Variants in MAPK9 observed in about 807,000 individuals in gnomAD.
MAPK9 encodes the protein Jun kinase.
A neutral mutation model predicts 57.1 loss-of-function variants in MAPK9; 30 were observed. The ratio of observed to expected loss-of-function variants is 0.53; its 90% CI spans 0.39 to 0.71. The LOEUF (loss-of-function observed/expected upper bound fraction) is 0.71, where lower values mean the gene tolerates loss of function less well. Ranked by LOEUF, MAPK9 falls within the 30% of genes least tolerant of loss-of-function variation. MAPK9 has a pLI of 0.00. For synonymous variants in MAPK9, 155 were observed against 177.0 expected (o/e 0.88, Z 0.99); for missense variants, 362 against 521.0 (o/e 0.69, Z 2.97).
chr5:180,265,918 T>G (rs1159352024), intron 3 of MAPK9, among the ~76,000 whole-genome samples: 1 of 152,056 alleles, frequency 6.6e-6, no homozygotes, highest in East Asian at 1.9e-4. Flanking sequence ...AACCTCAGAA[T>G]ATAGATAAAC....
At chr5:180,240,171 T>A (rs1442190732) in intron 9 of MAPK9, among the ~76,000 whole-genome samples, 184 bp from the exon 10 acceptor site, 1 of 152,234 alleles carries the variant, frequency 6.6e-6, no homozygotes, top group Non-Finnish European at 1.5e-5. Flanking sequence ...AAAATAATTA[T>A]GAAAAAGTTA....
intron 5 of MAPK9, among the ~76,000 whole-genome samples, chr5:180,256,317 C>T (rs549462913): frequency 1.4e-5 from 2 of 145,448 alleles, no homozygotes; most frequent in African/African-American, 5.1e-5. Flanking sequence ...GTGCATGGTA[C>T]TGTAGATGGA....
At position 180,247,507 on chromosome 5, in the gene MAPK9, T is replaced by C; in HGVS notation, c.620A>G (p.Asp207Gly). 6.2e-7 allele frequency: 1 copy of C among 1,613,104 alleles called. No homozygotes were observed. The highest frequency in any genetic ancestry group is 1.1e-5 in the South Asian group (1 of 91,004). Residue 207 changes from aspartate to glycine, a missense_variant, in exon 7 of 12, where the codon GAT becomes GGT. Asp to Gly is a moderately conservative substitution (Grantham distance 94, BLOSUM62 -1). Transcript: ENST00000452135. This position sits in a 1 kb window ranked among gnomAD's most constrained non-coding sequence, Gnocchi z 4.5. ...ILGMGYKENV[D>G]IWSVGCIMGE... ...CATGATGCAACCCACTGACCAGATA[T>C]CAACTGAAAATAAAATGAAATGATA...
intron 5 of MAPK9, among the ~76,000 whole-genome samples, chr5:180,255,182 A>T (rs1759145167): frequency 6.6e-6 from 1 of 152,198 alleles, no homozygotes; most frequent in African/African-American, 2.4e-5. Context: ...ATCATGTGAG[A>T]GGGCAGAATA....
chr5:180,265,091 G>A (rs1760390139), intron 3 of MAPK9, among the ~76,000 whole-genome samples: 1 of 152,154 alleles, frequency 6.6e-6, no homozygotes, highest in Non-Finnish European at 1.5e-5. Context: ...AACACATAAT[G>A]TCTTTTTGAA....
intron 9 of MAPK9, among the ~76,000 whole-genome samples, chr5:180,240,755 T>C (rs1164491115): frequency 6.6e-6 from 1 of 152,218 alleles, no homozygotes; most frequent in Non-Finnish European, 1.5e-5. Context: ...TGGCACAGAA[T>C]AGATGCTTAA....
intron 2 of MAPK9, among the ~76,000 whole-genome samples, chr5:180,278,990 C>T (rs1012814024): frequency 2.7e-5 from 4 of 146,282 alleles, no homozygotes; most frequent in African/African-American, 1.0e-4. Context: ...CGGAGTCTTG[C>T]TCCATCGCCC....
intron 1 of MAPK9, 145 bp downstream of exon 1, chr5:180,291,703 G>C (rs1445058254): frequency 3.3e-5 from 5 of 150,976 alleles, no homozygotes; most frequent in Admixed American, 2.6e-4. Flanking sequence ...GCATCCCCCA[G>C]CACAGGGGCG....
chr5:180,268,764 T>C (rs1453295431), intron 3 of MAPK9, among the ~76,000 whole-genome samples: 2 of 148,942 alleles, frequency 1.3e-5, no homozygotes, highest in Non-Finnish European at 3.0e-5. Flanking sequence ...GAGGTGGAGC[T>C]TGCAGCGAGC....
At chr5:180,273,276 T>C (rs557337733) in intron 2 of MAPK9, among the ~76,000 whole-genome samples, 10 of 152,342 alleles carry the variant, frequency 6.6e-5, no homozygotes, top group African/African-American at 2.4e-4. Flanking sequence ...TTTTTTTCAG[T>C]CATATATCTT....
intron 5 of MAPK9, among the ~76,000 whole-genome samples, chr5:180,250,918 T>A (rs1337940012): frequency 6.6e-6 from 1 of 152,162 alleles, no homozygotes; most frequent in Non-Finnish European, 1.5e-5. Flanking sequence ...GACGCTCCGC[T>A]GTGAGGACCA....
chr5:180,276,457 A>C (rs1360797449), intron 2 of MAPK9, among the ~76,000 whole-genome samples: 1 of 152,238 alleles, frequency 6.6e-6, no homozygotes, highest in East Asian at 1.9e-4. Context: ...ATATGTATGA[A>C]AGAAATGTAC....
At chr5:180,271,277 A>G (rs534341316) in intron 2 of MAPK9, among the ~76,000 whole-genome samples, 5 of 152,258 alleles carry the variant, frequency 3.3e-5, no homozygotes, top group Non-Finnish European at 7.3e-5. Context: ...CAGCTCCATG[A>G]GGAACTACCT....
In MAPK9 at chr5:180,268,642, G is replaced by A. The variant is rs186194652; in HGVS notation, c.252+638C>T. Among the ~76,000 whole-genome samples, 447 of 150,234 alleles carry A rather than the reference G, an allele frequency of 3.0e-3. 2 individuals carry two copies. The highest frequency in any genetic ancestry group is 0.01 in the African/African-American group (417 of 40,822). ...GGAGATCGAGACCATCCCGGCTAAC[G>A]CGGTGAAACCCTGTCTCTCCTAAAA... On this transcript the variant is annotated intron_variant, in intron 3 of 11. Transcript: ENST00000452135.
chr5:180,290,466 C>T (rs1045211469), intron 1 of MAPK9, among the ~76,000 whole-genome samples: 4 of 152,220 alleles, frequency 2.6e-5, no homozygotes, highest in Non-Finnish European at 5.9e-5. Context: ...CTACTGGGCT[C>T]CTGGGCTCTC....
intron 8 of MAPK9, among the ~76,000 whole-genome samples, chr5:180,241,540 C>T (rs975659135): frequency 1.3e-5 from 2 of 152,208 alleles, no homozygotes; most frequent in African/African-American, 4.8e-5. Context: ...ACCTCGTGAT[C>T]CGCCTGCCTC....
intron 1 of MAPK9, chr5:180,287,084 A>T (rs1441407632): frequency 6.6e-6 from 1 of 152,228 alleles, no homozygotes; most frequent in Non-Finnish European, 1.5e-5. Context: ...AGACAAAAGT[A>T]TAGAGATGCA....
chr5:180,279,484 G>A (rs1331600919), intron 2 of MAPK9, among the ~76,000 whole-genome samples: 1 of 152,034 alleles, frequency 6.6e-6, no homozygotes, highest in Non-Finnish European at 1.5e-5. Flanking sequence ...ATAGGTCTCC[G>A]CAACAAAGGA....
At chr5:180,279,944 C>T (rs1189166295) in intron 2 of MAPK9, 5 of 456,716 alleles carry the variant, frequency 1.1e-5, no homozygotes, top group Admixed American at 9.4e-5. Flanking sequence ...CAACCCCTCA[C>T]ACAGCATCCC....
Sources: allele counts gnomAD v4.1 joint callset (sites outside exome capture counted in the v4.1 genomes callset), GRCh38; gene constraint gnomAD v4.1.1; non-coding constraint Gnocchi (gnomAD v3.1); transcripts MANE v1.5; gene names NCBI Gene and HGNC (gene_info 2026-07-23, HGNC 2026-07-21).